Variants in CEP85 observed in about 807,000 individuals in gnomAD.
The protein encoded by CEP85 is centrosomal protein 85.
A neutral mutation model predicts 93.7 loss-of-function variants in CEP85; 58 were observed. The ratio of observed to expected loss-of-function variants is 0.62; its 90% CI spans 0.50 to 0.77. CEP85 has a LOEUF of 0.77. CEP85 is among the 30% of genes least tolerant of loss of function. CEP85 has a pLI of 0.00. For synonymous variants in CEP85, 314 were observed against 338.6 expected (o/e 0.93, Z 0.80); for missense variants, 868 against 922.0 (o/e 0.94, Z 0.76).
chr1:26,261,155 AG>A (rs1296178554), intron 7 of CEP85, among the ~76,000 whole-genome samples: 2 of 151,702 alleles, frequency 1.3e-5, no homozygotes, highest in Non-Finnish European at 2.9e-5. Context: ...AGGACTTAAG[AG>A]GGTTTGTTAA....
chr1:26,246,385 AG>A (rs2089508989), intron 3 of CEP85, among the ~76,000 whole-genome samples: 1 of 152,232 alleles, frequency 6.6e-6, no homozygotes, highest in South Asian at 2.1e-4. Flanking sequence ...CATATAATAC[AG>A]TAGAATATTA....
chr1:26,235,567 CTTTTT>C (rs1192252673), intron 1 of CEP85, among the ~76,000 whole-genome samples: 18 of 95,588 alleles, frequency 1.9e-4, no homozygotes, highest in African/African-American at 6.2e-4. Flanking sequence ...GATTGTAATT[CTTTTT>C]TTTTTTTTTT....
rs71004567 is a variant in CEP85, at chr1:26,241,244, A to ATTT, written c.55+1420_55+1422dup. Among the ~76,000 whole-genome samples, 79 of 109,286 alleles carry ATTT rather than the reference A, an allele frequency of 7.2e-4. 3 individuals carry two copies. Among genetic ancestry groups the ATTT allele is most frequent in the African/African-American group, 1.3e-3 (37 of 28,434 alleles). The allele number at this position is 109,286 out of a possible 152,430, so 71.7% of individuals were successfully genotyped here. Reference sequence around the variant, plus strand: ...ATCAATTCAAGATTCATTCAGCAGAATTTTTTTTTTTTTTTTGAAATGGAG... The same window carrying ATTT: ...ATCAATTCAAGATTCATTCAGCAGAATTTTTTTTTTTTTTTTTTTGAAATGGAG... On this transcript the variant is annotated intron_variant, in intron 2 of 13. Transcript: ENST00000451429.
chr1:26,234,475 C>T (rs2089292534), intron 1 of CEP85, among the ~76,000 whole-genome samples, 165 bp downstream of exon 1: 2 of 152,228 alleles, frequency 1.3e-5, no homozygotes, highest in African/African-American at 4.8e-5. Flanking sequence ...CATACGCCCT[C>T]TCGCGTCCCA....
Position 26,255,229 on chromosome 1 carries a change from T to G in CEP85, c.267T>G (p.Ile89Met). 1.2e-6 allele frequency: 2 copies of G among 1,614,128 alleles called. No individual in the cohort carries two copies. Among genetic ancestry groups the G allele is most frequent in the Non-Finnish European group, 1.7e-6 (2 of 1,180,022 alleles). Residue 89 changes from isoleucine (I) to methionine (M), a missense_variant, in exon 4 of 14, where the codon ATT becomes ATG. Ile to Met is a conservative substitution (Grantham distance 10). Coordinates refer to ENST00000451429, the MANE Select transcript of CEP85 (RefSeq NM_001319944.2). Reference sequence around the variant, plus strand: ...AGCCCATCAAAAGCCACGTAACCATTCCAACAGCCCATGTGATGCCTTCTA... The same window carrying G: ...AGCCCATCAAAAGCCACGTAACCATGCCAACAGCCCATGTGATGCCTTCTA... ...PFQPIKSHVT[I>M]PTAHVMPSTL...
At chr1:26,242,691 A>G (rs1569964077) in intron 2 of CEP85, among the ~76,000 whole-genome samples, 1 of 152,166 alleles carries the variant, frequency 6.6e-6, no homozygotes, top group Non-Finnish European at 1.5e-5. Flanking sequence ...AGTGGGAGCA[A>G]TCATTTGCCT....
At position 26,250,925 on chromosome 1, in the gene CEP85, CTTTTTTCTTTTTTTTTTTTT is replaced by C. The variant is rs1470730134; in HGVS notation, c.209-4239_209-4220del. ...TGAGCCAAGCTTGCCTTTTTTTTTT[CTTTTTTCTTTTTTTTTTTTT>C]TTTTTTTTTTTTTGAGACAGAGTCT... On this transcript the variant is annotated intron_variant, in intron 3 of 13. Transcript: ENST00000451429. 4.2e-4 allele frequency among the ~76,000 whole-genome samples: 23 copies of C among 55,134 alleles called. 1 individual carries two copies. Among genetic ancestry groups the C allele is most frequent in the African/African-American group, 1.3e-3 (23 of 17,058 alleles). The allele number at this position is 55,134 out of a possible 152,430, so 36.2% of individuals were successfully genotyped here.
chr1:26,271,749 T>C, intron 10 of CEP85: 1 of 442,830 alleles, frequency 2.3e-6, no homozygotes, highest in Admixed American at 3.6e-5. Context: ...CCTGCAGTTA[T>C]TAGGGTGAGA....
At chr1:26,241,607 A>G (rs939038713) in intron 2 of CEP85, among the ~76,000 whole-genome samples, 2 of 152,020 alleles carry the variant, frequency 1.3e-5, no homozygotes, top group Non-Finnish European at 2.9e-5. Flanking sequence ...TACAGTTTCT[A>G]TGACAATTAT....
chr1:26,256,232 GTAAT>G (rs1488487207), intron 4 of CEP85, among the ~76,000 whole-genome samples: 1 of 152,138 alleles, frequency 6.6e-6, no homozygotes, highest in Non-Finnish European at 1.5e-5. Context: ...CATAGAGTTG[GTAAT>G]TGGCAGAGCT....
At chr1:26,239,148 A>G (rs1355006503) in intron 1 of CEP85, among the ~76,000 whole-genome samples, 2 of 152,222 alleles carry the variant, frequency 1.3e-5, no homozygotes, top group Admixed American at 6.5e-5. Flanking sequence ...TTTAAATTTT[A>G]TAAAAATCAG....
intron 2 of CEP85, among the ~76,000 whole-genome samples, chr1:26,241,163 A>G (rs561391801): frequency 3.3e-4 from 50 of 150,720 alleles, no homozygotes; most frequent in Middle Eastern, 7.0e-3. Flanking sequence ...TGTTTGGTGT[A>G]TTCTCTTAGG....
At chr1:26,250,674 A>G (rs1185266083) in intron 3 of CEP85, among the ~76,000 whole-genome samples, 1 of 152,190 alleles carries the variant, frequency 6.6e-6, no homozygotes, top group Non-Finnish European at 1.5e-5. Context: ...CTTCTGGGTC[A>G]GTTGGTACTT....
intron 3 of CEP85, among the ~76,000 whole-genome samples, chr1:26,249,308 C>T (rs1411223778): frequency 6.6e-6 from 1 of 152,218 alleles, no homozygotes; most frequent in Non-Finnish European, 1.5e-5. Context: ...TCTCGAAGTC[C>T]TGACCTCAGC....
chr1:26,266,081 C>T (rs988389715), intron 7 of CEP85, among the ~76,000 whole-genome samples: 10 of 151,898 alleles, frequency 6.6e-5, no homozygotes, highest in Non-Finnish European at 1.0e-4. Context: ...TGGTGGTGGA[C>T]ACCTGTAACC....
intron 7 of CEP85, among the ~76,000 whole-genome samples, chr1:26,266,638 T>C (rs1034336987): frequency 1.9e-4 from 29 of 152,248 alleles, no homozygotes; most frequent in Non-Finnish European, 2.9e-4. Flanking sequence ...TTCAGGGATC[T>C]TTCTTTGTAC....
Position 26,272,191 on chromosome 1 carries a change from A to G in CEP85, c.1794+120A>G, listed in dbSNP as rs534863006. On this transcript the variant is annotated intron_variant, in intron 11 of 13. Transcript: ENST00000451429. ...GCTCAGTGTTAGGGATACAAAAAGA[A>G]TGAGACCCAGTCAGTGCTTTTGAGC... is the stretch of plus-strand genomic sequence containing the variant. The G allele has an allele frequency of 3.1e-5, 29 of 941,392 alleles. No individual in the cohort carries two copies. In the African/African-American group the frequency reaches 4.2e-4, roughly 14 times the overall value. 58.3% of individuals were successfully genotyped at this position (941,392 alleles called of 1,614,324 possible). A position where few individuals can be genotyped will look rare whatever the true frequency, so the allele number is the denominator to read the frequency against.
chr1:26,241,099 T>TAA (rs1044812464), intron 2 of CEP85, among the ~76,000 whole-genome samples: 2 of 152,142 alleles, frequency 1.3e-5, no homozygotes, highest in African/African-American at 4.8e-5. Flanking sequence ...CAGGGTATGT[T>TAA]TTATTTAACT....
chr1:26,265,557 G>A (rs1432207100), intron 7 of CEP85, among the ~76,000 whole-genome samples: 1 of 152,174 alleles, frequency 6.6e-6, no homozygotes, highest in African/African-American at 2.4e-5. Context: ...CCCAGGGTGA[G>A]GCTGATATCT....
Sources: gnomAD v4.1 joint callset for allele counts (sites outside exome capture counted in the v4.1 genomes callset) on GRCh38, gnomAD v4.1.1 for gene constraint, MANE v1.5 for transcripts, NCBI Gene and HGNC (gene_info 2026-07-23, HGNC 2026-07-21) for gene names.